Variants in RAB38 observed in about 807,000 individuals in gnomAD.
RAB38 encodes ras-related protein Rab-38.
A neutral mutation model predicts 18.4 loss-of-function variants in RAB38; 15 were observed. The observed-to-expected ratio is 0.82, with a 90% confidence interval of 0.55 to 1.26. The LOEUF (loss-of-function observed/expected upper bound fraction) is 1.26, where lower values mean the gene tolerates loss of function less well. Ranked by LOEUF, RAB38 falls within the 50% of genes most tolerant of loss-of-function variation. RAB38 has a pLI of 0.00. For synonymous variants in RAB38, 101 were observed against 104.4 expected, an observed-to-expected ratio of 0.97 and a Z score of 0.20; for missense variants, 294 against 267.4, an observed-to-expected ratio of 1.10 and a Z score of -0.69.
the RAB38 span, among the ~76,000 whole-genome samples, chr11:87,869,458 T>C: frequency 1.3e-5 from 2 of 151,676 alleles, no homozygotes; most frequent in Non-Finnish European, 3.0e-5. Flanking sequence ...CTGCTTACTC[T>C]ACTATAGTGC....
rs1252919145 is a variant in RAB38, at chr11:88,113,296, TATATATA to T, written c.*685_*691del. ...ATGTTTTATTGTTCACTTGCAAAAATATATATAATATATATTACATGTATAGCATGTA... is the reference window on the plus strand; with the variant it reads ...ATGTTTTATTGTTCACTTGCAAAAATATATATATTACATGTATAGCATGTA... On this transcript the variant is annotated 3_prime_UTR_variant, in exon 3 of 3. Transcript: ENST00000243662. 1.3e-5 allele frequency: 2 copies of T among 152,228 alleles called. No individual in the cohort carries two copies. Among genetic ancestry groups the T allele is most frequent in the African/African-American group, 2.4e-5 (1 of 41,336 alleles). 9.4% of individuals were successfully genotyped at this position (152,228 alleles called of 1,614,324 possible).
the RAB38 span, among the ~76,000 whole-genome samples, chr11:87,828,460 G>A: frequency 6.6e-6 from 1 of 152,106 alleles, no homozygotes; most frequent in African/African-American, 2.4e-5. Flanking sequence ...TCTCTAATCT[G>A]TACTGCAGAC....
the RAB38 span, among the ~76,000 whole-genome samples, chr11:87,958,569 A>G: frequency 6.6e-6 from 1 of 152,200 alleles, no homozygotes; most frequent in East Asian, 1.9e-4. Context: ...CTCCATTTCC[A>G]GCTTCTAGTG....
the RAB38 span, among the ~76,000 whole-genome samples, chr11:87,929,250 G>C: frequency 2.6e-5 from 4 of 152,046 alleles, no homozygotes; most frequent in South Asian, 8.3e-4. Context: ...GTTGTATTCA[G>C]TTAACTAGTT....
In RAB38 at chr11:88,113,769, G is replaced by A. The variant is rs1164364248; in HGVS notation, c.*219C>T. The A allele has an allele frequency of 5.2e-6, 3 of 575,132 alleles. No homozygotes were observed. In the South Asian group the frequency reaches 8.3e-5, roughly 16 times the overall value. The allele number at this position is 575,132 out of a possible 1,614,324, so 35.6% of individuals were successfully genotyped here. A position where few individuals can be genotyped will look rare whatever the true frequency, so the allele number is the denominator to read the frequency against. On this transcript the variant is annotated 3_prime_UTR_variant, in exon 3 of 3. Coordinates refer to ENST00000243662, the MANE Select transcript of RAB38 (RefSeq NM_022337.3). Reference sequence around the variant, plus strand: ...AGCTACATGACAGAAGTTTGTAACAGACTAAATATTTTCAAAAGTTTGTAA... The same window carrying A: ...AGCTACATGACAGAAGTTTGTAACAAACTAAATATTTTCAAAAGTTTGTAA...
chr11:87,912,857 T>C, the RAB38 span, among the ~76,000 whole-genome samples: 1 of 149,304 alleles, frequency 6.7e-6, no homozygotes, highest in Non-Finnish European at 1.5e-5. Flanking sequence ...ATCTGCTACT[T>C]TAGGCACATC....
In RAB38 at chr11:88,126,943, T is replaced by C. The variant is rs147356070; in HGVS notation, c.484-12803A>G. On this transcript the variant is annotated intron_variant, in intron 2 of 2. Coordinates refer to ENST00000243662, the MANE Select transcript of RAB38 (RefSeq NM_022337.3). ...TGAAAATAAAGCACTTGGAAAACAA[T>C]ACAACACTGCCCAACTATTATTGTT... Among the ~76,000 whole-genome samples, 442 of 152,246 alleles carry C rather than the reference T, an allele frequency of 2.9e-3. 3 individuals are homozygous for C. The highest frequency in any genetic ancestry group is 0.01 in the African/African-American group (430 of 41,562).
the RAB38 span, among the ~76,000 whole-genome samples, chr11:88,106,667 T>G: frequency 3.9e-5 from 6 of 152,282 alleles, 1 homozygote; most frequent in South Asian, 1.2e-3. Context: ...CTTGATGATA[T>G]GGAAAATTTC....
At chr11:88,077,914 A>G in the RAB38 span, among the ~76,000 whole-genome samples, 1 of 152,108 alleles carries the variant, frequency 6.6e-6, no homozygotes, top group Non-Finnish European at 1.5e-5. Context: ...CCAAGGAGTT[A>G]ATAACCAGAA....
chr11:87,890,190 T>A, the RAB38 span, among the ~76,000 whole-genome samples: 1 of 151,862 alleles, frequency 6.6e-6, no homozygotes, highest in Admixed American at 6.6e-5. Flanking sequence ...CTCACAAATT[T>A]TAAGGCGGGA....
chr11:88,132,809 A>G (rs1384400813), intron 2 of RAB38, among the ~76,000 whole-genome samples: 2 of 152,212 alleles, frequency 1.3e-5, no homozygotes, highest in African/African-American at 4.8e-5. Context: ...ATGAAATTGG[A>G]ATTATAGCTT....
At chr11:88,084,877 T>G in the RAB38 span, among the ~76,000 whole-genome samples, 11 of 151,926 alleles carry the variant, frequency 7.2e-5, no homozygotes, top group Non-Finnish European at 8.8e-5. Flanking sequence ...GAATAAAGTA[T>G]TAGATGAATA....
At chr11:88,081,223 A>C in the RAB38 span, among the ~76,000 whole-genome samples, 1 of 151,964 alleles carries the variant, frequency 6.6e-6, no homozygotes, top group African/African-American at 2.4e-5. Context: ...ACTATGGAAA[A>C]AGTTTGGAAG....
chr11:88,146,689 G>T (rs1293693817), intron 2 of RAB38, among the ~76,000 whole-genome samples: 1 of 152,182 alleles, frequency 6.6e-6, no homozygotes, highest in African/African-American at 2.4e-5. Flanking sequence ...GATTGTTTCT[G>T]AGCTTCTCAG....
the RAB38 span, among the ~76,000 whole-genome samples, chr11:88,036,993 C>T: frequency 5.3e-5 from 8 of 151,990 alleles, no homozygotes; most frequent in Admixed American, 1.3e-4. Flanking sequence ...ATCAATATTA[C>T]ATTTATTTCA....
the RAB38 span, among the ~76,000 whole-genome samples, chr11:87,928,089 CA>C: frequency 6.6e-6 from 1 of 151,356 alleles, no homozygotes; most frequent in Non-Finnish European, 1.5e-5. Flanking sequence ...AATAAGAAAA[CA>C]GAAAAGACAA....
the RAB38 span, among the ~76,000 whole-genome samples, chr11:87,842,373 A>C: frequency 6.6e-6 from 1 of 152,166 alleles, no homozygotes; most frequent in Admixed American, 6.5e-5. Flanking sequence ...GGGGGGTTTC[A>C]GGAGACAAGT....
chr11:88,038,543 CACTT>C, the RAB38 span, among the ~76,000 whole-genome samples: 4 of 151,772 alleles, frequency 2.6e-5, no homozygotes, highest in East Asian at 2.1e-4. Flanking sequence ...TATTTCCTCA[CACTT>C]AGTAGGTACT....
the RAB38 span, among the ~76,000 whole-genome samples, chr11:88,018,028 C>A: frequency 6.6e-6 from 1 of 152,088 alleles, no homozygotes; most frequent in Non-Finnish European, 1.5e-5. Context: ...ACATGCCTTT[C>A]ACCTTCCTCC....
Sources: gnomAD v4.1 joint callset for allele counts (sites outside exome capture counted in the v4.1 genomes callset) on GRCh38, gnomAD v4.1.1 for gene constraint, MANE v1.5 for transcripts, NCBI Gene and HGNC (gene_info 2026-07-23, HGNC 2026-07-21) for gene names.